Variants in GPC4 observed in about 807,000 individuals in gnomAD.
GPC4 encodes glypican 4, also known as glypican-4.
Under a neutral mutation model 35.0 loss-of-function variants are expected in GPC4, and 10 were observed. The ratio of observed to expected loss-of-function variants is 0.29; its 90% CI spans 0.18 to 0.48. The LOEUF (loss-of-function observed/expected upper bound fraction) is 0.48, where lower values mean the gene tolerates loss of function less well. Among genes scored for constraint, GPC4 ranks in the 20% least tolerant of loss-of-function variants. GPC4 has a pLI of 0.99. For missense variants in GPC4, 322 were observed against 451.3 expected, an observed-to-expected ratio of 0.71 and a Z score of 2.60; for synonymous variants, 167 against 170.2, an observed-to-expected ratio of 0.98 and a Z score of 0.15.
chrX:133,344,256 G>A (rs1454286938), intron 1 of GPC4, among the ~76,000 whole-genome samples: 1 of 49,841 alleles, frequency 2.0e-5, no homozygotes, highest in South Asian at 1.4e-3. Flanking sequence ...ATGGAGTTTC[G>A]CTCCTGTTGC....
chrX:133,349,137 G>C (rs1317316354), intron 1 of GPC4, among the ~76,000 whole-genome samples: 1 of 112,459 alleles, frequency 8.9e-6, no homozygotes, highest in Non-Finnish European at 1.9e-5. Context: ...CAGCTGATCA[G>C]ACCTGGCTTG....
At chrX:133,331,848 A>C (rs1289398613) in intron 2 of GPC4, among the ~76,000 whole-genome samples, 2 of 111,642 alleles carry the variant, frequency 1.8e-5, no homozygotes, top group African/African-American at 6.5e-5. Context: ...GTACACAAAA[A>C]GATTAGGTAA....
rs2124191833 is a variant in GPC4 at position 133,415,001 on chromosome X, G to T, written c.-36C>A. The T allele has an allele frequency of 8.4e-7, 1 of 1,187,212 alleles. No individual in the cohort carries two copies. The highest frequency in any genetic ancestry group is 1.1e-6 in the Non-Finnish European group (1 of 879,382). On this transcript the variant is annotated 5_prime_UTR_variant, in exon 1 of 9. Transcript: ENST00000370828. ...GGGGCGGACGCGTTCCCACCTTTGG[G>T]ACCGGACGGGAAGCGGCGCTACGGC...
At chrX:133,335,975 AC>A (rs2068441399) in intron 2 of GPC4, among the ~76,000 whole-genome samples, 1 of 110,949 alleles carries the variant, frequency 9.0e-6, no homozygotes. Flanking sequence ...CTATTTCCTT[AC>A]TATATGTCCC....
intron 1 of GPC4, among the ~76,000 whole-genome samples, chrX:133,394,379 C>T (rs2068733256): frequency 9.0e-6 from 1 of 110,980 alleles, no homozygotes; most frequent in African/African-American, 3.3e-5. Context: ...ATCATCTCTT[C>T]AACTGGAAAA....
At chrX:133,307,874 G>A (rs1415093055) in intron 4 of GPC4, among the ~76,000 whole-genome samples, 1 of 112,295 alleles carries the variant, frequency 8.9e-6, no homozygotes, top group Non-Finnish European at 1.9e-5. Context: ...GATCACTAAT[G>A]TGTTTGTGAA....
chrX:133,350,302 C>T (rs750238946), intron 1 of GPC4, among the ~76,000 whole-genome samples: 7 of 110,822 alleles, frequency 6.3e-5, no homozygotes, highest in African/African-American at 1.6e-4. Flanking sequence ...GTGGGAGGAT[C>T]GCTTCAGCCC....
intron 1 of GPC4, among the ~76,000 whole-genome samples, chrX:133,404,948 A>AT (rs1197607386): frequency 1.0e-4 from 11 of 109,973 alleles, no homozygotes; most frequent in Admixed American, 2.9e-4. Flanking sequence ...TTTTTAACAC[A>AT]TTTTTTAAAA....
At chrX:133,339,607 A>G (rs1168495056) in intron 1 of GPC4, among the ~76,000 whole-genome samples, 1 of 112,315 alleles carries the variant, frequency 8.9e-6, no homozygotes, top group African/African-American at 3.2e-5. Context: ...AATAAACAAT[A>G]TAATATTCCA....
chrX:133,388,571 G>A (rs1163323603), intron 1 of GPC4, among the ~76,000 whole-genome samples: 2 of 108,195 alleles, frequency 1.8e-5, no homozygotes, highest in African/African-American at 3.4e-5. Flanking sequence ...GTCTTGCTCT[G>A]TTGCCCAGGC....
In GPC4 at chrX:133,302,885, C is replaced by T. The variant is rs760600209; in HGVS notation, c.1653G>A (p.Met551Ile). 5 of 1,209,453 alleles carry T rather than the reference C, an allele frequency of 4.1e-6. No homozygotes were observed. The highest frequency in any genetic ancestry group is 5.6e-6 in the Non-Finnish European group (5 of 894,728). Residue 551 changes from methionine to isoleucine, a missense_variant, in exon 9 of 9, where the codon ATG becomes ATA. This residue lies in a region of GPC4 where 99 missense variants were observed against 110.0 expected (regional missense o/e 0.90). Coordinates refer to ENST00000370828, the MANE Select transcript of GPC4 (RefSeq NM_001448.3). Reference protein sequence around the residue: ...LTVFCILFLVMQREWR With the variant: ...LTVFCILFLVIQREWR ...TTGAGAATTATCTCCACTCTCTCTGCATAACCAGGAACAAGATGCAGAAGA... is the reference window on the plus strand; with the variant it reads ...TTGAGAATTATCTCCACTCTCTCTGTATAACCAGGAACAAGATGCAGAAGA...
intron 1 of GPC4, among the ~76,000 whole-genome samples, chrX:133,409,605 C>A (rs1049427734): frequency 1.2e-4 from 13 of 111,462 alleles, no homozygotes; most frequent in Admixed American, 9.6e-5. Flanking sequence ...AAACACGTAC[C>A]TGCACACACA....
At chrX:133,403,952 C>T (rs1045539192) in intron 1 of GPC4, among the ~76,000 whole-genome samples, 4 of 111,118 alleles carry the variant, frequency 3.6e-5, no homozygotes, top group African/African-American at 1.3e-4. Flanking sequence ...CTGCCTCGAC[C>T]TCCCAAAGTG....
At chrX:133,313,663 C>A (rs908975713) in intron 3 of GPC4, among the ~76,000 whole-genome samples, 4 of 111,840 alleles carry the variant, frequency 3.6e-5, no homozygotes, top group Non-Finnish European at 7.5e-5. Context: ...CCAGAGAGAT[C>A]ACTGAGTGTT....
At chrX:133,346,271 T>C (rs1408266089) in intron 1 of GPC4, among the ~76,000 whole-genome samples, 4 of 111,877 alleles carry the variant, frequency 3.6e-5, no homozygotes, top group Non-Finnish European at 7.5e-5. Flanking sequence ...GGGTTTTCCT[T>C]TCAATTTAGT....
chrX:133,331,715 T>G (rs1281899287), intron 2 of GPC4, among the ~76,000 whole-genome samples: 3 of 106,539 alleles, frequency 2.8e-5, no homozygotes, highest in African/African-American at 7.1e-5. Context: ...GAGCCAAGAT[T>G]GAGCCACTGC....
At chrX:133,319,011 G>A (rs1440715025) in intron 3 of GPC4, among the ~76,000 whole-genome samples, 2 of 112,200 alleles carry the variant, frequency 1.8e-5, no homozygotes, top group Non-Finnish European at 3.8e-5. Flanking sequence ...AAGGTTCAGT[G>A]ATAATCAAAT....
intron 1 of GPC4, among the ~76,000 whole-genome samples, chrX:133,379,045 C>T (rs1266590156): frequency 8.9e-6 from 1 of 112,539 alleles, no homozygotes; most frequent in Admixed American, 9.4e-5. Flanking sequence ...AATGCTTTGG[C>T]ATTTCCTCAA....
chrX:133,407,125 T>C (rs1277225378), intron 1 of GPC4, among the ~76,000 whole-genome samples: 1 of 110,365 alleles, frequency 9.1e-6, no homozygotes, highest in Non-Finnish European at 1.9e-5. Flanking sequence ...CATCCATCCA[T>C]CCATCCATCA....
Sources: gnomAD v4.1 joint callset for allele counts (sites outside exome capture counted in the v4.1 genomes callset) on GRCh38, gnomAD v4.1.1 for gene constraint, gnomAD v4.1.1 regional missense constraint, MANE v1.5 for transcripts, NCBI Gene and HGNC (gene_info 2026-07-23, HGNC 2026-07-21) for gene names.